TGFB2: variants seen among roughly 807,000 people sequenced by gnomAD.
The protein encoded by TGFB2 is transforming growth factor beta-2 proprotein.
Under a neutral mutation model 42.7 loss-of-function variants are expected in TGFB2, and 13 were observed. The observed-to-expected ratio is 0.30, with a 90% CI of 0.20 to 0.48. The LOEUF (loss-of-function observed/expected upper bound fraction) is 0.48. TGFB2 is among the 20% of genes least tolerant of loss of function. The pLI is 0.99. For missense variants in TGFB2, 390 were observed against 517.5 expected (o/e 0.75, Z 2.39); for synonymous variants, 193 against 193.6 (o/e 1.00, Z 0.03).
intron 1 of TGFB2, among the ~76,000 whole-genome samples, chr1:218,362,178 C>A (rs1336073032): frequency 6.6e-6 from 1 of 152,114 alleles, no homozygotes; most frequent in Non-Finnish European, 1.5e-5. Flanking sequence ...AAAAATAAAT[C>A]AAGAGAAGAG....
chr1:218,364,290 T>C (rs183677281), intron 1 of TGFB2, among the ~76,000 whole-genome samples: 2,081 of 152,294 alleles, frequency 0.014, 19 homozygotes, highest in Non-Finnish European at 0.023. Flanking sequence ...AGGTGCAAGC[T>C]CCTCAGAGCC....
chr1:218,363,370 T>C, intron 1 of TGFB2: 1 of 1,614,028 alleles, frequency 6.2e-7, no homozygotes, highest in Non-Finnish European at 8.5e-7. Context: ...TCTGGCTCAG[T>C]GGGCAGCTTG....
At chr1:218,417,964 G>A (rs1187949446) in intron 2 of TGFB2, among the ~76,000 whole-genome samples, 1 of 152,254 alleles carries the variant, frequency 6.6e-6, no homozygotes, top group Non-Finnish European at 1.5e-5. Flanking sequence ...GCAGAAGTTT[G>A]CTGTAGGGGC....
chr1:218,409,273 C>A (rs565204326), intron 2 of TGFB2, among the ~76,000 whole-genome samples: 1 of 152,326 alleles, frequency 6.6e-6, no homozygotes, highest in African/African-American at 2.4e-5. Context: ...AAGATTTTTA[C>A]CACTGTATCA....
At chr1:218,437,311 T>A (rs1660001210) in intron 5 of TGFB2, 32 bp from the exon 6 acceptor site, 1 of 1,544,804 alleles carries the variant, frequency 6.5e-7, no homozygotes, top group African/African-American at 1.4e-5. Context: ...AGCTTTAAAA[T>A]CTCCATTGCT....
At chr1:218,415,699 G>GAAAAA (rs1174137652) in intron 2 of TGFB2, among the ~76,000 whole-genome samples, 3 of 61,660 alleles carry the variant, frequency 4.9e-5, no homozygotes, top group Admixed American at 1.8e-4. Flanking sequence ...TGTCTCAAAA[G>GAAAAA]AAAAAAAAAA....
intron 2 of TGFB2, among the ~76,000 whole-genome samples, chr1:218,420,103 AG>A (rs927104194): frequency 9.9e-5 from 15 of 152,170 alleles, no homozygotes; most frequent in Non-Finnish European, 1.8e-4. Flanking sequence ...TGGAATTGGA[AG>A]GGGGAGGTCA....
chr1:218,348,267 G>A (rs2799098), intron 1 of TGFB2, among the ~76,000 whole-genome samples: 128,262 of 152,164 alleles, frequency 0.84, 54,351 homozygotes, highest in African/African-American at 0.94. Flanking sequence ...TCCATGCCCT[G>A]TATACTTGCT....
chr1:218,350,386 A>G (rs1656832788), intron 1 of TGFB2, among the ~76,000 whole-genome samples: 1 of 152,058 alleles, frequency 6.6e-6, no homozygotes, highest in African/African-American at 2.4e-5. Flanking sequence ...GAGGGGTGCT[A>G]CCGGTATTTA....
At chr1:218,362,265 C>T (rs998279223) in intron 1 of TGFB2, among the ~76,000 whole-genome samples, 1 of 152,154 alleles carries the variant, frequency 6.6e-6, no homozygotes, top group Admixed American at 6.5e-5. Context: ...TTCTAGAAGA[C>T]GTGCTCTATA....
chr1:218,416,391 A>G (rs1381021786), intron 2 of TGFB2, among the ~76,000 whole-genome samples: 1 of 151,694 alleles, frequency 6.6e-6, no homozygotes, highest in East Asian at 1.9e-4. Flanking sequence ...TTTTTTTCTC[A>G]ATGCCAACAG....
intron 1 of TGFB2, among the ~76,000 whole-genome samples, chr1:218,368,386 C>G (rs1265743708): frequency 1.3e-5 from 2 of 151,984 alleles, no homozygotes; most frequent in Non-Finnish European, 2.9e-5. Flanking sequence ...ATCCACCCAC[C>G]TTGGCATCCC....
At chr1:218,425,239 G>T (rs1482885401) in intron 2 of TGFB2, among the ~76,000 whole-genome samples, 1 of 152,070 alleles carries the variant, frequency 6.6e-6, no homozygotes, top group Non-Finnish European at 1.5e-5. Context: ...TTGGAGTCTT[G>T]CTCCATCACG....
chr1:218,347,869 C>T (rs1007738256), intron 1 of TGFB2, among the ~76,000 whole-genome samples: 5 of 151,982 alleles, frequency 3.3e-5, no homozygotes, highest in Admixed American at 1.3e-4. Context: ...CTGCTCCTGC[C>T]TTTTCGTAGG....
At chr1:218,387,523 G>A (rs943675744) in intron 1 of TGFB2, among the ~76,000 whole-genome samples, 10 of 152,156 alleles carry the variant, frequency 6.6e-5, no homozygotes, top group African/African-American at 2.4e-4. Flanking sequence ...GGCAGGTAGT[G>A]TCTCTCCTAG....
At chr1:218,414,726 A>G (rs761812986) in intron 2 of TGFB2, among the ~76,000 whole-genome samples, 4 of 152,248 alleles carry the variant, frequency 2.6e-5, no homozygotes, top group Non-Finnish European at 5.9e-5. Context: ...TGAATATGCA[A>G]TAGTAACTAA....
intron 1 of TGFB2, among the ~76,000 whole-genome samples, chr1:218,364,405 T>C (rs1657317739): frequency 6.6e-6 from 1 of 152,218 alleles, no homozygotes; most frequent in South Asian, 2.1e-4. Context: ...TACTATATGC[T>C]GGACGATGAG....
rs151329324 is a variant in TGFB2 at position 218,346,056 on chromosome 1, G to GCACACACA, written c.-628_-621dup. ...GGGCTCGCCCCCAGCGCGCGCACACGCACACACACACACACACACACACAC... is the reference window on the plus strand; with the variant it reads ...GGGCTCGCCCCCAGCGCGCGCACACGCACACACACACACACACACACACACACACACAC... On this transcript the variant is annotated 5_prime_UTR_variant, in exon 1 of 7. Transcript: ENST00000366930. This position sits in a 1 kb window ranked among gnomAD's most constrained non-coding sequence, Gnocchi z 4.9. Among the ~76,000 whole-genome samples, 1,232 of 145,656 alleles carry GCACACACA rather than the reference G, an allele frequency of 8.5e-3. 15 individuals are homozygous for GCACACACA. The highest frequency in any genetic ancestry group is 0.027 in the African/African-American group (1,077 of 39,686).
chr1:218,407,441 A>G (rs1658950551), intron 2 of TGFB2, among the ~76,000 whole-genome samples: 1 of 152,152 alleles, frequency 6.6e-6, no homozygotes, highest in Admixed American at 6.5e-5. Context: ...TTATTTAAAT[A>G]GGCCCTCGAG....
Sources: gnomAD v4.1 joint callset for allele counts (sites outside exome capture counted in the v4.1 genomes callset) on GRCh38, gnomAD v4.1.1 for gene constraint, Gnocchi (gnomAD v3.1) non-coding constraint, MANE v1.5 for transcripts, NCBI Gene and HGNC (gene_info 2026-07-23, HGNC 2026-07-21) for gene names.